TANC1: variants seen among roughly 807,000 people sequenced by gnomAD.
TANC1 encodes tetratricopeptide repeat, ankyrin repeat and coiled-coil containing 1.
TANC1 carries 77 observed loss-of-function variants against 149.7 expected under a neutral mutation model. The ratio of observed to expected loss-of-function variants is 0.51; its 90% CI spans 0.43 to 0.62. The LOEUF is 0.62. TANC1 is among the 20% of genes least tolerant of loss of function. TANC1 has a pLI of 0.00. For missense variants in TANC1, 1,985 were observed against 2,321.8 expected (o/e 0.85, Z 2.98); for synonymous variants, 854 against 925.0 (o/e 0.92, Z 1.39).
Position 159,172,218 on chromosome 2 carries a change from C to T in TANC1, c.1449C>T (p.Ile483=), listed in dbSNP as rs6729871. Residue 483 remains isoleucine, a synonymous_variant, in exon 11 of 27, where the codon ATC becomes ATT. Transcript: ENST00000263635. ...SSTAKTPLGS[I]SAENQRPRED... ...CAGCTAAAACACCTCTTGGGTCTAT[C>T]AGTGCTGAAAACCAGAGACCAAGAG... 2.0e-4 allele frequency: 329 copies of T among 1,614,202 alleles called. No individual in the cohort carries two copies. The African/African-American group carries it at 3.6e-3, about 18-fold the overall frequency.
chr2:159,065,772 T>C (rs1052960868), intron 2 of TANC1, 124 bp from the exon 3 acceptor site: 15 of 667,242 alleles, frequency 2.2e-5, no homozygotes, highest in Non-Finnish European at 3.4e-5. Context: ...AATGTAAGGC[T>C]TAGGGTACCT....
chr2:159,174,133 G>T (rs2055576198), intron 11 of TANC1, among the ~76,000 whole-genome samples: 1 of 152,108 alleles, frequency 6.6e-6, no homozygotes, highest in African/African-American at 2.4e-5. Flanking sequence ...TTCTACTTGT[G>T]TTTCTCCTAT....
At chr2:158,972,164 T>C (rs1266959718) in intron 1 of TANC1, among the ~76,000 whole-genome samples, 3 of 152,244 alleles carry the variant, frequency 2.0e-5, no homozygotes, top group Admixed American at 6.5e-5. Flanking sequence ...TTTTATTAAG[T>C]AGGCTTCAGG....
chr2:159,090,644 A>G (rs1488758184), intron 3 of TANC1, among the ~76,000 whole-genome samples: 2 of 152,220 alleles, frequency 1.3e-5, no homozygotes, highest in Non-Finnish European at 2.9e-5. Context: ...TGGCAAGGAA[A>G]TGTAGAATCC....
chr2:159,092,788 T>C (rs531021478), intron 3 of TANC1, among the ~76,000 whole-genome samples: 10 of 152,350 alleles, frequency 6.6e-5, no homozygotes, highest in African/African-American at 2.4e-4. Flanking sequence ...ATATTTACTG[T>C]CATACCCTTT....
At position 159,115,172 on chromosome 2, in the gene TANC1, GT is replaced by G. The variant is rs1451849325; in HGVS notation, c.259+17339del. On this transcript the variant is annotated intron_variant, in intron 4 of 26. Transcript: ENST00000263635. The stretch of plus-strand genomic sequence containing the variant: ...ACTCTCCTTTCGGAAGCTGGTAAGG[GT>G]GTGTGTGTGTGTGTGTGTGTGTGTA... 3.8e-3 allele frequency among the ~76,000 whole-genome samples: 125 copies of G among 32,896 alleles called. 1 individual carries two copies. Among genetic ancestry groups the G allele is most frequent in the African/African-American group, 0.023 (123 of 5,406 alleles). 21.6% of individuals were successfully genotyped at this position (32,896 alleles called of 152,430 possible).
intron 1 of TANC1, among the ~76,000 whole-genome samples, chr2:158,990,637 A>G (rs2035519325): frequency 1.3e-5 from 2 of 152,208 alleles, no homozygotes; most frequent in South Asian, 4.1e-4. Context: ...AGCATGAGCA[A>G]TGGATGGAGT....
At chr2:159,079,301 G>T (rs1156664785) in intron 3 of TANC1, among the ~76,000 whole-genome samples, 1 of 148,696 alleles carries the variant, frequency 6.7e-6, no homozygotes, top group Non-Finnish European at 1.5e-5. Flanking sequence ...TAGTAACTGG[G>T]ATTACAGGTG....
chr2:159,217,675 T>C, intron 20 of TANC1, 45 bp downstream of exon 20: 1 of 1,606,216 alleles, frequency 6.2e-7, no homozygotes, highest in Non-Finnish European at 8.5e-7. Flanking sequence ...TGAGTGGGGA[T>C]GGAGTTCACT....
At chr2:158,996,446 A>G (rs2036144521) in intron 1 of TANC1, among the ~76,000 whole-genome samples, 1 of 152,268 alleles carries the variant, frequency 6.6e-6, no homozygotes, top group Non-Finnish European at 1.5e-5. Context: ...TTTTTGCTGT[A>G]TAACTTGATA....
At position 159,138,814 on chromosome 2, in the gene TANC1, C is replaced by T. The variant is rs145600621; in HGVS notation, c.364+2516C>T. Among the ~76,000 whole-genome samples, 197 of 152,302 alleles carry T rather than the reference C, an allele frequency of 1.3e-3. 1 individual carries two copies. Among genetic ancestry groups the T allele is most frequent in the African/African-American group, 4.6e-3 (191 of 41,570 alleles). ...GTGCTTTTGAAATTTCCCATGGACT[C>T]GTGAAATAGCAGGTTATTCCTAAAT... On this transcript the variant is annotated intron_variant, in intron 5 of 26. Coordinates refer to ENST00000263635, the MANE Select transcript of TANC1 (RefSeq NM_033394.3).
chr2:159,127,922 T>A (rs1353888593), intron 4 of TANC1, among the ~76,000 whole-genome samples: 1 of 152,256 alleles, frequency 6.6e-6, no homozygotes, highest in Non-Finnish European at 1.5e-5. Context: ...CCTACCAGAT[T>A]GTGAACATTT....
intron 4 of TANC1, among the ~76,000 whole-genome samples, chr2:159,128,430 C>G (rs998945202): frequency 2.0e-5 from 3 of 152,150 alleles, no homozygotes; most frequent in Non-Finnish European, 4.4e-5. Flanking sequence ...TTACTTAATC[C>G]CCTTCTGCCT....
intron 5 of TANC1, among the ~76,000 whole-genome samples, chr2:159,146,350 A>C (rs1317476979): frequency 6.6e-6 from 1 of 152,216 alleles, no homozygotes; most frequent in Non-Finnish European, 1.5e-5. Context: ...ATAATATGAA[A>C]AGACAGGTGG....
At chr2:159,047,042 T>G (rs2041117020) in intron 2 of TANC1, among the ~76,000 whole-genome samples, 1 of 152,180 alleles carries the variant, frequency 6.6e-6, no homozygotes, top group South Asian at 2.1e-4. Context: ...GAGACCTCAA[T>G]AATTCTGTGG....
At chr2:159,004,826 A>G (rs35145547) in intron 2 of TANC1, among the ~76,000 whole-genome samples, 11 of 152,162 alleles carry the variant, frequency 7.2e-5, no homozygotes, top group South Asian at 2.1e-4. Context: ...ACAGACACAC[A>G]CACAAATATA....
rs532025725 is a variant in TANC1, at chr2:159,183,443, T to C, written c.2511-2348T>C. On this transcript the variant is annotated intron_variant, in intron 14 of 26. Coordinates refer to ENST00000263635, the MANE Select transcript of TANC1 (RefSeq NM_033394.3). ...TGACTCGGTGAGGAAGCTCATGTCA[T>C]TAGAGAAAAGATAGCACTGGGCTTC... 3.3e-5 allele frequency among the ~76,000 whole-genome samples: 5 copies of C among 152,174 alleles called. No homozygotes were observed. The East Asian group carries it at 9.7e-4, about 29-fold the overall frequency.
chr2:159,016,948 A>T (rs1324037559), intron 2 of TANC1, among the ~76,000 whole-genome samples: 4 of 152,126 alleles, frequency 2.6e-5, no homozygotes, highest in Non-Finnish European at 5.9e-5. Flanking sequence ...TGGTTTATGG[A>T]TTGAAATATT....
chr2:159,040,307 C>T (rs1416751429), intron 2 of TANC1, among the ~76,000 whole-genome samples: 2 of 151,982 alleles, frequency 1.3e-5, no homozygotes, highest in Non-Finnish European at 2.9e-5. Flanking sequence ...TGTTGGCGTG[C>T]CTTGCTAGGT....
Sources: gnomAD v4.1 joint callset for allele counts (sites outside exome capture counted in the v4.1 genomes callset) on GRCh38, gnomAD v4.1.1 for gene constraint, MANE v1.5 for transcripts, NCBI Gene and HGNC (gene_info 2026-07-23, HGNC 2026-07-21) for gene names.